The following SLC29A2 variants were observed in gnomAD, a reference collection of about 807,000 sequenced individuals.
The protein encoded by SLC29A2 is solute carrier family 29 member 2.
Under a neutral mutation model 48.8 loss-of-function variants are expected in SLC29A2, and 37 were observed. The observed-to-expected ratio is 0.76, with a 90% confidence interval of 0.58 to 1.00. The LOEUF (loss-of-function observed/expected upper bound fraction) is 1.00, where lower values mean the gene tolerates loss of function less well. SLC29A2 is among the 50% of genes least tolerant of loss of function. SLC29A2 has a pLI of 0.00. For missense variants in SLC29A2, 533 were observed against 578.6 expected (o/e 0.92, Z 0.81); for synonymous variants, 233 against 261.7 (o/e 0.89, Z 1.06).
intron 5 of SLC29A2, 70 bp from the exon 6 acceptor site, chr11:66,367,939 T>C (rs1590657368): frequency 8.3e-7 from 1 of 1,205,992 alleles, no homozygotes; most frequent in East Asian, 2.5e-5. Flanking sequence ...TTCCAACTCT[T>C]GTCCCACTTC....
intron 7 of SLC29A2, 104 bp from the exon 8 acceptor site, chr11:66,366,668 A>G: frequency 7.5e-7 from 1 of 1,327,272 alleles, no homozygotes; most frequent in Non-Finnish European, 1.0e-6. Flanking sequence ...AGTGATCCTC[A>G]GCTCAGCATG....
At chr11:66,371,431 C>A (rs1031275861) in intron 1 of SLC29A2, 106 bp from the exon 2 acceptor site, 3 of 1,503,608 alleles carry the variant, frequency 2.0e-6, no homozygotes, top group African/African-American at 2.8e-5. Context: ...CCGATCACCC[C>A]GGTTCCGGCG....
In SLC29A2 at chr11:66,367,726, T is replaced by C. The variant is rs762920613; in HGVS notation, c.648+46A>G. 5 of 1,571,200 alleles carry C rather than the reference T, an allele frequency of 3.2e-6. No individual in the cohort carries two copies. The Admixed American group carries it at 5.0e-5, about 16-fold the overall frequency. On this transcript the variant is annotated intron_variant, in intron 6 of 11. Transcript: ENST00000357440. ...TCAGGGCCTCAGGCTCAGGACTCTA[T>C]CCAAGATGCTTTGAGGTGGGGCCTC...
At position 66,365,381 on chromosome 11, in the gene SLC29A2, C is replaced by T. The variant is rs998695169; in HGVS notation, c.1059+555G>A. Among the ~76,000 whole-genome samples, 5 of 152,208 alleles carry T rather than the reference C, an allele frequency of 3.3e-5. No individual in the cohort carries two copies. In the East Asian group the frequency reaches 7.7e-4, roughly 23 times the overall value. On this transcript the variant is annotated intron_variant, in intron 10 of 11. Coordinates refer to ENST00000357440, the MANE Select transcript of SLC29A2 (RefSeq NM_001532.3). Reference sequence around the variant, plus strand: ...AAATCAGGGACTGGCCTGGGGCTCACCTCTGCCTCTCCCAGGCTCCAGCTT... The same window carrying T: ...AAATCAGGGACTGGCCTGGGGCTCATCTCTGCCTCTCCCAGGCTCCAGCTT...
At position 66,363,263 on chromosome 11, in the gene SLC29A2, C is replaced by T. The variant is rs761160778; in HGVS notation, c.*173G>A. The T allele has an allele frequency of 2.1e-5, 14 of 675,854 alleles. No homozygotes were observed. In the Admixed American group the frequency reaches 2.5e-4, roughly 12 times the overall value. 41.9% of individuals were successfully genotyped at this position (675,854 alleles called of 1,614,324 possible). A position where few individuals can be genotyped will look rare whatever the true frequency, so the allele number is the denominator to read the frequency against. On this transcript the variant is annotated 3_prime_UTR_variant, in exon 12 of 12. Coordinates refer to ENST00000357440, the MANE Select transcript of SLC29A2 (RefSeq NM_001532.3). ...AGAATGACCGGTGGTGATTTCTTCC[C>T]CACAGCACTCCAAGTGGATGAAGAG...
intron 1 of SLC29A2, 44 bp from the exon 2 acceptor site, chr11:66,371,369 T>C: frequency 6.3e-7 from 1 of 1,595,744 alleles, no homozygotes; most frequent in South Asian, 1.1e-5. Context: ...CGCACCCGCC[T>C]CCGCAGGCCC....
chr11:66,371,695 C>T lies in SLC29A2; in HGVS notation c.-104G>A. ...GACCGGTGGGGCGGGGGGCGGGTCT[C>T]CCCAGATTCCGGTGCAGGGCGGCTG... On this transcript the variant is annotated 5_prime_UTR_variant, in exon 1 of 12. Coordinates refer to ENST00000357440, the MANE Select transcript of SLC29A2 (RefSeq NM_001532.3). 3 of 1,193,024 alleles carry T rather than the reference C, an allele frequency of 2.5e-6. No homozygotes were observed. The highest frequency in any genetic ancestry group is 3.5e-6 in the Non-Finnish European group (3 of 854,890). The allele number at this position is 1,193,024 out of a possible 1,614,324, so 73.9% of individuals were successfully genotyped here. A position where few individuals can be genotyped will look rare whatever the true frequency, so the allele number is the denominator to read the frequency against.
intron 7 of SLC29A2, among the ~76,000 whole-genome samples, chr11:66,366,877 C>T (rs1301170061): frequency 1.3e-5 from 2 of 152,050 alleles, no homozygotes; most frequent in Admixed American, 6.6e-5. Context: ...CCCAGGAGGT[C>T]GAGGCTGCAG....
At chr11:66,368,979 C>T (rs147003839) in intron 4 of SLC29A2, 81 bp downstream of exon 4, 6 of 1,505,396 alleles carry the variant, frequency 4.0e-6, no homozygotes, top group East Asian at 4.9e-5. Flanking sequence ...CTGCCCTTCT[C>T]GGATATGCTG....
At position 66,369,143 on chromosome 11, in the gene SLC29A2, G is replaced by C. The variant is rs1226317915; in HGVS notation, c.332C>G (p.Ala111Gly). 6.3e-7 allele frequency: 1 copy of C among 1,581,640 alleles called. No homozygotes were observed. Among genetic ancestry groups the C allele is most frequent in the African/African-American group, 1.3e-5 (1 of 74,086 alleles). ...CACCTTGACCAGCGCTGCTGTCAGG[G>C]CAAAGAGCAGCAGTATGGCCAGCAG... ...GSLLAILLLF[A>G]LTAALVKVDM... Residue 111 changes from alanine (A) to glycine (G), a missense_variant, in exon 4 of 12, where the codon GCC becomes GGC. By Grantham distance (60) the Ala-to-Gly change is moderately conservative. Transcript: ENST00000357440.
rs200329495 is a variant in SLC29A2 at position 66,371,304 on chromosome 11, G to A, written c.51C>T (p.Ser17=). 9.1e-5 allele frequency: 147 copies of A among 1,613,910 alleles called. No individual in the cohort carries two copies. The Middle Eastern group carries it at 1.2e-3, about 13-fold the overall frequency. ...GGGTGCCCAGCCCCAGGATGAAGAA[G>A]CTGATCCCGACCAGGTGGTAGCTGT... ...PRDSYHLVGI[S]FFILGLGTLL... The change falls in exon 2 of 12, where the codon AGC becomes AGT. Residue 17 remains serine (S), a synonymous_variant. Transcript: ENST00000357440.
intron 10 of SLC29A2, chr11:66,364,787 G>A (rs1019516433): frequency 1.5e-5 from 3 of 206,018 alleles, no homozygotes; most frequent in African/African-American, 2.4e-5. Context: ...GATTACAGGC[G>A]TGAGCCACCA....
chr11:66,369,558 G>T (rs981403203), intron 2 of SLC29A2, 26 bp from the exon 3 acceptor site: 3 of 1,613,026 alleles, frequency 1.9e-6, no homozygotes, highest in Non-Finnish European at 2.5e-6. Context: ...GTGGTGGAGG[G>T]TCAGCACCTC....
chr11:66,364,503 CTTTTT>C (rs10605893), intron 10 of SLC29A2, 79 bp from the exon 11 acceptor site: 779 of 653,104 alleles, frequency 1.2e-3, no homozygotes, highest in Non-Finnish European at 1.5e-3. Context: ...CCATAGAGTA[CTTTTT>C]TTTTTTTTTT....
At chr11:66,368,959 A>G in intron 4 of SLC29A2, 101 bp downstream of exon 4, 2 of 1,437,032 alleles carry the variant, frequency 1.4e-6, no homozygotes, top group Non-Finnish European at 1.9e-6. Context: ...ATGAGCGACC[A>G]TGATGCTGTC....
At chr11:66,367,748 C>A in intron 6 of SLC29A2, 24 bp downstream of exon 6, 5 of 1,602,366 alleles carry the variant, frequency 3.1e-6, no homozygotes, top group Non-Finnish European at 4.3e-6. Context: ...TGAGGTGGGG[C>A]CTCGAGCCCA....
rs1253726043 is a variant in SLC29A2, at chr11:66,363,261, C to G, written c.*175G>C. The G allele has an allele frequency of 8.9e-6, 6 of 671,434 alleles. No individual in the cohort carries two copies. In the East Asian group the frequency reaches 1.7e-4, roughly 19 times the overall value. The allele number at this position is 671,434 out of a possible 1,614,324, so 41.6% of individuals were successfully genotyped here. On this transcript the variant is annotated 3_prime_UTR_variant, in exon 12 of 12. Transcript: ENST00000357440. ...TTAGAATGACCGGTGGTGATTTCTT[C>G]CCCACAGCACTCCAAGTGGATGAAG...
At position 66,367,533 on chromosome 11, in the gene SLC29A2, A is replaced by G. The variant is rs1232029720; in HGVS notation, c.664T>C (p.Tyr222His). The G allele has an allele frequency of 1.2e-6, 2 of 1,614,010 alleles. No individual in the cohort carries two copies. The highest frequency in any genetic ancestry group is 2.7e-5 in the African/African-American group (2 of 74,894). ...SLPHLKFARYYLANKSSQAQA... is the reference protein window; with the variant it reads ...SLPHLKFARYHLANKSSQAQA... ...GCCTGGGATGATTTATTGGCCAGGTAGTAGCGGGCAAACTTCTGCAGAAGG... is the reference window on the plus strand; with the variant it reads ...GCCTGGGATGATTTATTGGCCAGGTGGTAGCGGGCAAACTTCTGCAGAAGG... The change falls in exon 7 of 12, where the codon TAC becomes CAC. Residue 222 changes from tyrosine to histidine, a missense_variant. Physicochemically the swap from Tyr to His is moderately conservative, Grantham distance 83 (BLOSUM62 2). Transcript: ENST00000357440.
At position 66,362,985 on chromosome 11, in the gene SLC29A2, C is replaced by T. The variant is rs1855465240; in HGVS notation, c.*451G>A. On this transcript the variant is annotated 3_prime_UTR_variant, in exon 12 of 12. Coordinates refer to ENST00000357440, the MANE Select transcript of SLC29A2 (RefSeq NM_001532.3). ...CACCCTCAGGTCCTCCACATCTGTT[C>T]CTCCTCTCAGGTGCCCACAACTTCC... 3.8e-6 allele frequency: 1 copy of T among 260,120 alleles called. No homozygotes were observed. Among genetic ancestry groups the T allele is most frequent in the South Asian group, 4.2e-5 (1 of 23,606 alleles). 16.1% of individuals were successfully genotyped at this position (260,120 alleles called of 1,614,324 possible). A position where few individuals can be genotyped will look rare whatever the true frequency, so the allele number is the denominator to read the frequency against.
Sources: gnomAD v4.1 joint callset for allele counts (sites outside exome capture counted in the v4.1 genomes callset) on GRCh38, gnomAD v4.1.1 for gene constraint, MANE v1.5 for transcripts, NCBI Gene and HGNC (gene_info 2026-07-23, HGNC 2026-07-21) for gene names.